FAM131B: variants seen among roughly 807,000 people sequenced by gnomAD.
FAM131B encodes the protein protein FAM131B.
In FAM131B, 19 loss-of-function variants were observed where a neutral mutation model predicts 42.0. That is an observed-to-expected ratio of 0.45 (90% CI 0.32 to 0.66). FAM131B has a LOEUF of 0.66. Among genes scored for constraint, FAM131B ranks in the 30% least tolerant of loss-of-function variants. The probability of loss-of-function intolerance (pLI) is 0.05; values close to 1 mark genes in which losing one functional copy is unlikely to be tolerated. For missense variants in FAM131B, 370 were observed against 468.4 expected, an observed-to-expected ratio of 0.79 and a Z score of 1.94; for synonymous variants, 183 against 177.6, an observed-to-expected ratio of 1.03 and a Z score of -0.24.
rs927993046 is a variant in FAM131B, at chr7:143,355,359, G to C, written c.*1191C>G. The C allele has an allele frequency of 9.8e-5, 15 of 152,412 alleles. No homozygotes were observed. The highest frequency in any genetic ancestry group is 3.6e-4 in the African/African-American group (15 of 41,450). The allele number at this position is 152,412 out of a possible 1,614,324, so 9.4% of individuals were successfully genotyped here. A position where few individuals can be genotyped will look rare whatever the true frequency, so the allele number is the denominator to read the frequency against. On this transcript the variant is annotated 3_prime_UTR_variant, in exon 7 of 7. Coordinates refer to ENST00000443739, the MANE Select transcript of FAM131B (RefSeq NM_001031690.3). This position sits in a 1 kb window ranked among gnomAD's most constrained non-coding sequence, Gnocchi z 4.1. Reference sequence around the variant, plus strand: ...TCCGCTGATTTTCCTCTCTTCCTCTGGTAGGAGGCCTGGGGAGGCAGGGAG... The same window carrying C: ...TCCGCTGATTTTCCTCTCTTCCTCTCGTAGGAGGCCTGGGGAGGCAGGGAG...
chr7:143,370,751 G>A, the FAM131B span, among the ~76,000 whole-genome samples: 1 of 152,144 alleles, frequency 6.6e-6, no homozygotes, highest in Non-Finnish European at 1.5e-5. Flanking sequence ...GCAGCCCTCA[G>A]GGCTGCTCTG....
chr7:143,370,832 G>A, the FAM131B span, among the ~76,000 whole-genome samples: 32 of 152,078 alleles, frequency 2.1e-4, no homozygotes, highest in African/African-American at 7.2e-4. Flanking sequence ...CTATGGACTC[G>A]CCCTGAGTTC....
At chr7:143,379,868 T>G in the FAM131B span, 1 of 166,426 alleles carries the variant, frequency 6.0e-6, no homozygotes, top group African/African-American at 2.4e-5. Context: ...TCACCTGATA[T>G]CAGGGGTGCA....
chr7:143,354,674 T>C lies in FAM131B; in HGVS notation c.*1876A>G, dbSNP rs895792287. ...AGCAAGCACAAGAGGACTCTTCCCC[T>C]GTACAGGCAGCATTCGGTTAGGTGA... is the stretch of plus-strand genomic sequence containing the variant. On this transcript the variant is annotated 3_prime_UTR_variant, in exon 7 of 7. Coordinates refer to ENST00000443739, the MANE Select transcript of FAM131B (RefSeq NM_001031690.3). The C allele has an allele frequency of 2.0e-5, 3 of 152,222 alleles. No individual in the cohort carries two copies. Among genetic ancestry groups the C allele is most frequent in the Admixed American group, 2.0e-4 (3 of 15,278 alleles). 9.4% of individuals were successfully genotyped at this position (152,222 alleles called of 1,614,324 possible). A position where few individuals can be genotyped will look rare whatever the true frequency, so the allele number is the denominator to read the frequency against.
chr7:143,353,867 A>C lies in FAM131B; in HGVS notation c.*2683T>G, dbSNP rs1324289219. The stretch of plus-strand genomic sequence containing the variant: ...TAAAGTCAATTGAAAATGAAAGTGC[A>C]CCCCCCCTCCAAAAAAAGAAAATCA... On this transcript the variant is annotated 3_prime_UTR_variant, in exon 7 of 7. Coordinates refer to ENST00000443739, the MANE Select transcript of FAM131B (RefSeq NM_001031690.3). 6.6e-6 allele frequency: 1 copy of C among 150,566 alleles called. No individual in the cohort carries two copies. Among genetic ancestry groups the C allele is most frequent in the African/African-American group, 2.4e-5 (1 of 40,900 alleles). The allele number at this position is 150,566 out of a possible 1,614,324, so 9.3% of individuals were successfully genotyped here.
At chr7:143,368,989 A>G in the FAM131B span, among the ~76,000 whole-genome samples, 1 of 152,256 alleles carries the variant, frequency 6.6e-6, no homozygotes, top group Non-Finnish European at 1.5e-5. Context: ...AGTCCAGAGA[A>G]AAAACAGTGA....
rs1048533340 is a variant in FAM131B, at chr7:143,362,052, T to C, written c.28+524A>G. The C allele has an allele frequency of 4.1e-6, 4 of 984,488 alleles. No homozygotes were observed. The highest frequency in any genetic ancestry group is 1.2e-4 in the Admixed American group (2 of 16,258). The allele number at this position is 984,488 out of a possible 1,614,324, so 61.0% of individuals were successfully genotyped here. A position where few individuals can be genotyped will look rare whatever the true frequency, so the allele number is the denominator to read the frequency against. On this transcript the variant is annotated intron_variant, in intron 1 of 6. Coordinates refer to ENST00000443739, the MANE Select transcript of FAM131B (RefSeq NM_001031690.3). This position sits in a 1 kb window ranked among gnomAD's most constrained non-coding sequence, Gnocchi z 7.7. ...GAATCGGAGGAGGCAGGAACGACAG[T>C]AAAAGGCAACGGAGAGGGAGAGAGA...
Position 143,358,852 on chromosome 7 carries a change from G to A in FAM131B, c.441C>T (p.Gly147=), listed in dbSNP as rs183061741. 1.3e-4 allele frequency: 207 copies of A among 1,613,942 alleles called. No individual in the cohort carries two copies. In the African/African-American group the frequency reaches 1.4e-3, roughly 11 times the overall value. Residue 147 remains glycine, a synonymous_variant, in exon 5 of 7, where the codon GGC becomes GGT. Coordinates refer to ENST00000443739, the MANE Select transcript of FAM131B (RefSeq NM_001031690.3). This position sits in a 1 kb window ranked among gnomAD's most constrained non-coding sequence, Gnocchi z 4.7. ...CTGCTAGAAAACGTGCCTCCTTCTC[G>A]CCATCGCTGAGGTCGGAGTAGGCAT... The part of the protein sequence containing the change: ...DTDAYSDLSD[G]EKEARFLAGV...
chr7:143,366,158 G>C, upstream of FAM131B, among the ~76,000 whole-genome samples: 1 of 152,160 alleles, frequency 6.6e-6, no homozygotes, highest in East Asian at 1.9e-4. Context: ...ACTCAACTCA[G>C]GACATTTGAA....
In FAM131B at chr7:143,362,632, C is replaced by A; in HGVS notation, c.-29G>T. On this transcript the variant is annotated 5_prime_UTR_variant, in exon 1 of 7. Transcript: ENST00000443739. This position sits in a 1 kb window ranked among gnomAD's most constrained non-coding sequence, Gnocchi z 7.7. ...TCCGGGGGCCGCAGAGCCGGGCCCT[C>A]ACCGACTCGGGGCGCGCGCCGGGGG... The A allele has an allele frequency of 1.7e-6, 2 of 1,203,402 alleles. No individual in the cohort carries two copies. The highest frequency in any genetic ancestry group is 1.0e-6 in the Non-Finnish European group (1 of 968,752). The allele number at this position is 1,203,402 out of a possible 1,614,324, so 74.5% of individuals were successfully genotyped here. A position where few individuals can be genotyped will look rare whatever the true frequency, so the allele number is the denominator to read the frequency against.
chr7:143,364,259 T>A (rs1200976148), upstream of FAM131B: 1 of 150,306 alleles, frequency 6.7e-6, no homozygotes, highest in African/African-American at 2.5e-5. Flanking sequence ...TACTGTCCAG[T>A]CGCAAAGGAA....
At chr7:143,361,351 G>T (rs1453380630) in intron 1 of FAM131B, 1 of 151,626 alleles carries the variant, frequency 6.6e-6, no homozygotes, top group Admixed American at 6.6e-5. Flanking sequence ...GGAGACAGGG[G>T]AGGGCGGGGT....
intron 1 of FAM131B, chr7:143,360,795 G>T: frequency 6.5e-6 from 1 of 152,688 alleles, no homozygotes. Context: ...TTTAAAATAG[G>T]AATTAAGAAA....
Position 143,353,537 on chromosome 7 carries a change from T to C in FAM131B, c.*3013A>G, listed in dbSNP as rs911816458. 1 of 152,470 alleles carries C rather than the reference T, an allele frequency of 6.6e-6. No homozygotes were observed. The highest frequency in any genetic ancestry group is 1.5e-5 in the Non-Finnish European group (1 of 68,054). The allele number at this position is 152,470 out of a possible 1,614,324, so 9.4% of individuals were successfully genotyped here. ...GCAGTGGGCATTTGAGCCCATGCCC[T>C]TGTGTACATAATCTCTAATATTTAT... On this transcript the variant is annotated 3_prime_UTR_variant, in exon 7 of 7. Transcript: ENST00000443739.
At position 143,359,340 on chromosome 7, in the gene FAM131B, T is replaced by C. The variant is rs761545285; in HGVS notation, c.254A>G (p.Lys85Arg). ...AGGAGTCTCACCTGAGAATGATGAC[T>C]TGGCCAGGGCCCCAATGCCATAGGC... Reference protein sequence around the residue: ...SNAYGIGALAKSSFSGISRSM... With the variant: ...SNAYGIGALARSSFSGISRSM... Residue 85 changes from lysine to arginine, a missense_variant, in exon 4 of 7, where the codon AAG becomes AGG. Transcript: ENST00000443739. The surrounding 1 kb of genome is among the most constrained non-coding windows in gnomAD (Gnocchi z 5.4). 22 of 1,613,130 alleles carry C rather than the reference T, an allele frequency of 1.4e-5. No homozygotes were observed. The highest frequency in any genetic ancestry group is 1.8e-5 in the Non-Finnish European group (21 of 1,179,512).
At position 143,356,405 on chromosome 7, in the gene FAM131B, C is replaced by T. The variant is rs1045116190; in HGVS notation, c.*145G>A. 16 of 633,678 alleles carry T rather than the reference C, an allele frequency of 2.5e-5. No homozygotes were observed. In the African/African-American group the frequency reaches 2.9e-4, roughly 12 times the overall value. The allele number at this position is 633,678 out of a possible 1,614,324, so 39.3% of individuals were successfully genotyped here. ...GCCTGGATAAAATCCCATCCTGGTC[C>T]TCCATTTCCAGGAGAGGACTGGAAG... On this transcript the variant is annotated 3_prime_UTR_variant, in exon 7 of 7. Transcript: ENST00000443739. The surrounding 1 kb of genome is among the most constrained non-coding windows in gnomAD (Gnocchi z 4.4).
the FAM131B span, among the ~76,000 whole-genome samples, chr7:143,370,853 G>A: frequency 2.0e-5 from 3 of 152,040 alleles, no homozygotes; most frequent in South Asian, 2.1e-4. Flanking sequence ...CTTCTTGTGC[G>A]AGATCCAAGA....
Position 143,359,170 on chromosome 7 carries a change from G to A in FAM131B, c.269-146C>T, listed in dbSNP as rs1039224968. On this transcript the variant is annotated intron_variant, in intron 4 of 6. Coordinates refer to ENST00000443739, the MANE Select transcript of FAM131B (RefSeq NM_001031690.3). This position sits in a 1 kb window ranked among gnomAD's most constrained non-coding sequence, Gnocchi z 5.4. ...AGGACTCCATAGATGGGGTAGTGGAGGGAATGGCCTGGAGGATGGGAGGCT... is the reference window on the plus strand; with the variant it reads ...AGGACTCCATAGATGGGGTAGTGGAAGGAATGGCCTGGAGGATGGGAGGCT... 2 of 1,033,696 alleles carry A rather than the reference G, an allele frequency of 1.9e-6. No individual in the cohort carries two copies. Among genetic ancestry groups the A allele is most frequent in the African/African-American group, 3.2e-5 (2 of 63,370 alleles). The allele number at this position is 1,033,696 out of a possible 1,614,324, so 64.0% of individuals were successfully genotyped here. A position where few individuals can be genotyped will look rare whatever the true frequency, so the allele number is the denominator to read the frequency against.
chr7:143,356,308 A>G lies in FAM131B; in HGVS notation c.*242T>C. On this transcript the variant is annotated 3_prime_UTR_variant, in exon 7 of 7. Coordinates refer to ENST00000443739, the MANE Select transcript of FAM131B (RefSeq NM_001031690.3). The surrounding 1 kb of genome is among the most constrained non-coding windows in gnomAD (Gnocchi z 4.4). Reference sequence around the variant, plus strand: ...GCCCACAGCCCAGGTCCTTCTCCACAGCCACACCAAGCTCACGGCCATCTA... The same window carrying G: ...GCCCACAGCCCAGGTCCTTCTCCACGGCCACACCAAGCTCACGGCCATCTA... 1.9e-6 allele frequency: 1 copy of G among 526,620 alleles called. No individual in the cohort carries two copies. The highest frequency in any genetic ancestry group is 3.4e-6 in the Non-Finnish European group (1 of 294,560). 32.6% of individuals were successfully genotyped at this position (526,620 alleles called of 1,614,324 possible).
Sources: allele counts gnomAD v4.1 joint callset (sites outside exome capture counted in the v4.1 genomes callset), GRCh38; gene constraint gnomAD v4.1.1; non-coding constraint Gnocchi (gnomAD v3.1); transcripts MANE v1.5; gene names NCBI Gene and HGNC (gene_info 2026-07-23, HGNC 2026-07-21).